The following STXBP6 variants were observed in gnomAD, a reference collection of about 807,000 sequenced individuals.
STXBP6 encodes syntaxin binding protein 6, also known as syntaxin-binding protein 6.
A neutral mutation model predicts 26.9 loss-of-function variants in STXBP6; 21 were observed. That is an observed-to-expected ratio of 0.78 (90% CI 0.55 to 1.12). The LOEUF is 1.12. Among genes scored for constraint, STXBP6 ranks in the 50% most tolerant of loss-of-function variants. The pLI is 0.00. For missense variants in STXBP6, 232 were observed against 257.9 expected (o/e 0.90, Z 0.69); for synonymous variants, 97 against 92.6 (o/e 1.05, Z -0.27).
chr14:25,028,976 G>A (rs543790091), intron 1 of STXBP6, among the ~76,000 whole-genome samples: 2 of 152,266 alleles, frequency 1.3e-5, no homozygotes, highest in Admixed American at 1.3e-4. Flanking sequence ...ACTACGTTGT[G>A]CAATCTTATG....
intron 4 of STXBP6, among the ~76,000 whole-genome samples, chr14:24,828,340 T>C (rs1216119527): frequency 6.6e-6 from 1 of 152,168 alleles, no homozygotes; most frequent in Non-Finnish European, 1.5e-5. Context: ...TAAAGATAAT[T>C]ACAGTAATTG....
At chr14:24,987,845 G>T in intron 1 of STXBP6, 1 of 985,500 alleles carries the variant, frequency 1.0e-6, no homozygotes, top group South Asian at 4.7e-5. Context: ...ACAGAAAATG[G>T]ACAAAGAGCA....
intron 2 of STXBP6, among the ~76,000 whole-genome samples, chr14:24,861,951 T>A (rs1208752538): frequency 6.6e-6 from 1 of 152,154 alleles, no homozygotes; most frequent in Non-Finnish European, 1.5e-5. Flanking sequence ...AGATTCCCAA[T>A]AGGACCCAAA....
At position 25,041,530 on chromosome 14, in the gene STXBP6, G is replaced by T. The variant is rs141422256; in HGVS notation, c.-33+8348C>A. ...ATTAACTTCTTAACCACCAGTTACT[G>T]CTGGCTTTCAGCTTAGACTGTACAA... On this transcript the variant is annotated intron_variant, in intron 1 of 5. Transcript: ENST00000323944. 6.6e-5 allele frequency among the ~76,000 whole-genome samples: 10 copies of T among 152,204 alleles called. No homozygotes were observed. In the East Asian group the frequency reaches 1.5e-3, roughly 24 times the overall value.
chr14:25,017,870 AC>A (rs34969382), intron 1 of STXBP6, among the ~76,000 whole-genome samples: 27,297 of 151,932 alleles, frequency 0.18, 3,429 homozygotes, highest in African/African-American at 0.36. Context: ...CAATTGCCTC[AC>A]CCGTTGAGTG....
chr14:24,842,786 A>G (rs1370272627), intron 4 of STXBP6, among the ~76,000 whole-genome samples: 1 of 152,140 alleles, frequency 6.6e-6, no homozygotes, highest in Non-Finnish European at 1.5e-5. Context: ...TTTTTTTAAC[A>G]GGAAAAAAAA....
chr14:25,014,697 T>A (rs1027840430), intron 1 of STXBP6, among the ~76,000 whole-genome samples: 1 of 152,212 alleles, frequency 6.6e-6, no homozygotes, highest in Non-Finnish European at 1.5e-5. Flanking sequence ...AAGTTCTGAG[T>A]CAGCTGTCTC....
chr14:24,951,234 T>A (rs2073159644), intron 2 of STXBP6, among the ~76,000 whole-genome samples: 1 of 152,230 alleles, frequency 6.6e-6, no homozygotes, highest in African/African-American at 2.4e-5. Flanking sequence ...GAATTATTTA[T>A]AACCGTTTGG....
intron 1 of STXBP6, among the ~76,000 whole-genome samples, chr14:25,020,700 T>G (rs1278233197): frequency 6.6e-6 from 1 of 152,214 alleles, no homozygotes; most frequent in Non-Finnish European, 1.5e-5. Flanking sequence ...TCCTTCACTG[T>G]GATCAACCAT....
chr14:24,863,119 A>T (rs1250321546), intron 2 of STXBP6, among the ~76,000 whole-genome samples: 1 of 152,124 alleles, frequency 6.6e-6, no homozygotes, highest in Non-Finnish European at 1.5e-5. Flanking sequence ...CAAGTAAATG[A>T]CAGGTAGTCC....
chr14:24,853,321 T>C (rs1208197675), intron 4 of STXBP6, among the ~76,000 whole-genome samples: 3 of 152,110 alleles, frequency 2.0e-5, no homozygotes, highest in Admixed American at 6.6e-5. Context: ...CTAATCGGCA[T>C]ACTAATTTAT....
chr14:25,037,235 C>A (rs891517641), intron 1 of STXBP6, among the ~76,000 whole-genome samples: 1 of 152,156 alleles, frequency 6.6e-6, no homozygotes, highest in Non-Finnish European at 1.5e-5. Context: ...GACAGAGGCC[C>A]GGAGAGCTCC....
At chr14:24,953,643 CTCAGTATT>C (rs552817296) in intron 2 of STXBP6, among the ~76,000 whole-genome samples, 481 of 152,314 alleles carry the variant, frequency 3.2e-3, no homozygotes, top group Non-Finnish European at 5.2e-3. Flanking sequence ...TAGAAATCAA[CTCAGTATT>C]TCATAGCTGA....
At chr14:25,019,521 G>A (rs1035958864) in intron 1 of STXBP6, among the ~76,000 whole-genome samples, 3 of 152,230 alleles carry the variant, frequency 2.0e-5, no homozygotes, top group South Asian at 4.1e-4. Context: ...CTAACATAAG[G>A]AAATAGATTT....
chr14:24,990,845 G>C (rs989726849), intron 1 of STXBP6, among the ~76,000 whole-genome samples: 6 of 151,566 alleles, frequency 4.0e-5, no homozygotes, highest in African/African-American at 1.5e-4. Flanking sequence ...GGGTGATGCA[G>C]ATATGCAGAG....
chr14:24,843,203 A>T (rs566605855), intron 4 of STXBP6, among the ~76,000 whole-genome samples: 2 of 152,230 alleles, frequency 1.3e-5, no homozygotes, highest in South Asian at 4.1e-4. Context: ...AATGTAAACT[A>T]AAAAATTGCC....
rs544458282 is a variant in STXBP6, at chr14:24,856,767, T to C, written c.285+260A>G. 1.2e-4 allele frequency among the ~76,000 whole-genome samples: 19 copies of C among 152,122 alleles called. No individual in the cohort carries two copies. The South Asian group carries it at 3.9e-3, about 32-fold the overall frequency. On this transcript the variant is annotated intron_variant, in intron 3 of 5. Transcript: ENST00000323944. ...CGATATGATTATCTGCACTCTGAACTTCGTACTTTGCTGATCAATGTTACC... is the reference window on the plus strand; with the variant it reads ...CGATATGATTATCTGCACTCTGAACCTCGTACTTTGCTGATCAATGTTACC...
At position 24,812,362 on chromosome 14, in the gene STXBP6, C is replaced by A. The variant is rs11550670; in HGVS notation, c.*347G>T. 2 of 207,288 alleles carry A rather than the reference C, an allele frequency of 9.6e-6. No homozygotes were observed. The highest frequency in any genetic ancestry group is 5.4e-5 in the Admixed American group (1 of 18,608). The allele number at this position is 207,288 out of a possible 1,614,324, so 12.8% of individuals were successfully genotyped here. On this transcript the variant is annotated 3_prime_UTR_variant, in exon 6 of 6. Transcript: ENST00000323944. ...ATACATGTTGCCAGTTTAGACTCAG[C>A]GCAGTTTATCATTTGGTCCAAATTT... is the stretch of plus-strand genomic sequence containing the variant.
chr14:24,897,792 T>C (rs12879571), intron 2 of STXBP6, among the ~76,000 whole-genome samples: 51,372 of 152,072 alleles, frequency 0.34, 8,798 homozygotes, highest in African/African-American at 0.41. Flanking sequence ...ATCAGTACCA[T>C]GGCTCCTTCT....
Sources: gnomAD v4.1 joint callset for allele counts (sites outside exome capture counted in the v4.1 genomes callset) on GRCh38, gnomAD v4.1.1 for gene constraint, MANE v1.5 for transcripts, NCBI Gene and HGNC (gene_info 2026-07-23, HGNC 2026-07-21) for gene names.